ZNF875: variants seen among roughly 807,000 people sequenced by gnomAD.
The protein encoded by ZNF875 is HKR1, GLI-Kruppel zinc finger family member.
In ZNF875, 14 loss-of-function variants were observed where a neutral mutation model predicts 11.2. That is an observed-to-expected ratio of 1.26 (90% CI 0.83 to 1.96). ZNF875 has a LOEUF of 1.96. ZNF875 is among the 30% of genes most tolerant of loss of function. The probability of loss-of-function intolerance (pLI) is 0.00; values close to 1 mark genes in which losing one functional copy is unlikely to be tolerated. For missense variants in ZNF875, 752 were observed against 760.4 expected, an observed-to-expected ratio of 0.99 and a Z score of 0.13; for synonymous variants, 301 against 281.1, an observed-to-expected ratio of 1.07 and a Z score of -0.71.
intron 4 of ZNF875, among the ~76,000 whole-genome samples, chr19:37,348,440 C>G (rs746162515): frequency 1.1e-4 from 17 of 152,292 alleles, no homozygotes; most frequent in Middle Eastern, 6.8e-3. Flanking sequence ...ATTTGTAATT[C>G]TCATGCATGG....
chr19:37,341,156 G>A (rs1008927592), intron 2 of ZNF875, among the ~76,000 whole-genome samples: 1 of 152,110 alleles, frequency 6.6e-6, no homozygotes, highest in Non-Finnish European at 1.5e-5. Flanking sequence ...GCAAGCCAAC[G>A]GTCACATTAG....
chr19:37,343,227 C>G (rs1031579164), intron 2 of ZNF875, among the ~76,000 whole-genome samples: 2 of 151,984 alleles, frequency 1.3e-5, no homozygotes, highest in African/African-American at 4.8e-5. Context: ...GTCCCAGCTA[C>G]TTGGGAGGCT....
intron 4 of ZNF875, among the ~76,000 whole-genome samples, chr19:37,327,769 A>C (rs1170740584): frequency 6.6e-6 from 1 of 152,048 alleles, no homozygotes; most frequent in East Asian, 1.9e-4. Context: ...TCAAAAAAAA[A>C]AAAAAAAAAT....
intron 2 of ZNF875, among the ~76,000 whole-genome samples, chr19:37,336,382 C>T (rs1204116800): frequency 1.3e-5 from 2 of 149,846 alleles, no homozygotes; most frequent in African/African-American, 2.5e-5. Context: ...TCGCTGCAGA[C>T]TCTGCCTCCC....
At chr19:37,329,627 T>A (rs905154728) in intron 4 of ZNF875, among the ~76,000 whole-genome samples, 8 of 152,210 alleles carry the variant, frequency 5.3e-5, no homozygotes, top group African/African-American at 1.9e-4. Flanking sequence ...ATCTGTGGTG[T>A]CTAGCACATT....
chr19:37,320,728 G>T (rs559920988), intron 1 of ZNF875, among the ~76,000 whole-genome samples: 24 of 152,324 alleles, frequency 1.6e-4, no homozygotes, highest in South Asian at 1.4e-3. Context: ...AGGGGGCTCA[G>T]CTGGGACTGA....
intron 2 of ZNF875, among the ~76,000 whole-genome samples, chr19:37,340,412 T>C (rs1423775481): frequency 6.6e-6 from 1 of 152,214 alleles, no homozygotes; most frequent in Non-Finnish European, 1.5e-5. Context: ...CTGATTTGTT[T>C]CCAAATGTTG....
At chr19:37,314,031 ATTTT>A (rs950865971), upstream of ZNF875, among the ~76,000 whole-genome samples, 7 of 151,988 alleles carry the variant, frequency 4.6e-5, no homozygotes, top group Non-Finnish European at 1.0e-4. Flanking sequence ...TTATTTATTT[ATTTT>A]GGTTTCTGTA....
In ZNF875 at chr19:37,362,292, G is replaced by T; in HGVS notation, c.440G>T (p.Cys147Phe). ...CAGAAACAACAGCAGGATCCATTCT[G>T]CTTTAGTGGCAAAGCAGAATGGATT... ...EDQKQQQDPF[C>F]FSGKAEWIQE... Residue 147 changes from cysteine to phenylalanine, a missense_variant, in exon 5 of 5, where the codon TGC becomes TTC. Coordinates refer to ENST00000392153, the MANE Select transcript of ZNF875 (RefSeq NM_001353803.2). The T allele has an allele frequency of 6.2e-7, 1 of 1,614,144 alleles. No individual in the cohort carries two copies. Among genetic ancestry groups the T allele is most frequent in the Non-Finnish European group, 8.5e-7 (1 of 1,180,014 alleles).
intron 4 of ZNF875, among the ~76,000 whole-genome samples, chr19:37,353,684 G>A (rs535292857): frequency 1.3e-5 from 2 of 152,114 alleles, no homozygotes; most frequent in Non-Finnish European, 2.9e-5. Context: ...AGAATCGCTG[G>A]TTAACATATT....
Position 37,327,102 on chromosome 19 carries a change from C to T in ZNF875, c.-603+2837C>T, listed in dbSNP as rs573919256. Among the ~76,000 whole-genome samples the T allele has an allele frequency of 2.0e-5, 3 of 152,088 alleles. No individual in the cohort carries two copies. In the East Asian group the frequency reaches 5.8e-4, roughly 29 times the overall value. Reference sequence around the variant, plus strand: ...TGCCTCCTGGGTCCAAGCAGTTCTCCCTGCCTCAGCCTCTCGAGTAGCTGG... The same window carrying T: ...TGCCTCCTGGGTCCAAGCAGTTCTCTCTGCCTCAGCCTCTCGAGTAGCTGG... On this transcript the variant is annotated intron_variant, in intron 4 of 5. Coordinates refer to the ZNF875 transcript ENST00000544914.
chr19:37,356,506 G>A (rs542842953), intron 4 of ZNF875, among the ~76,000 whole-genome samples: 35 of 152,064 alleles, frequency 2.3e-4, no homozygotes, highest in African/African-American at 8.4e-4. Flanking sequence ...ATCTTCTTGT[G>A]GGTTTTCTTT....
Position 37,363,889 on chromosome 19 carries a change from A to C in ZNF875, c.*114A>C, listed in dbSNP as rs2040405272. 3.9e-6 allele frequency: 3 copies of C among 777,648 alleles called. No individual in the cohort carries two copies. The highest frequency in any genetic ancestry group is 6.4e-6 in the Non-Finnish European group (3 of 468,214). 48.2% of individuals were successfully genotyped at this position (777,648 alleles called of 1,614,324 possible). The stretch of plus-strand genomic sequence containing the variant: ...TTTTTCAGCCATTGCTAGATACCAA[A>C]GTGGAGACATTCTGTGTGTGATTAT... On this transcript the variant is annotated 3_prime_UTR_variant, in exon 5 of 5. Transcript: ENST00000392153.
chr19:37,326,786 G>GCCTC (rs2032530824), intron 4 of ZNF875, among the ~76,000 whole-genome samples: 1 of 144,210 alleles, frequency 6.9e-6, no homozygotes, highest in South Asian at 2.2e-4. Flanking sequence ...TCCTGCCTCA[G>GCCTC]CCTCCCGAGT....
intron 4 of ZNF875, among the ~76,000 whole-genome samples, chr19:37,361,071 C>T (rs138477520): frequency 1.3e-5 from 2 of 149,370 alleles, no homozygotes; most frequent in African/African-American, 2.5e-5. Flanking sequence ...AGTTAAGATG[C>T]CTTTCATTTA....
Position 37,362,682 on chromosome 19 carries a change from CTG to C in ZNF875, c.831_832del (p.Gly279LysfsTer69). Reference sequence around the variant, plus strand: ...CTCATCAAAAACCCAAGGACACACTCTGGGGGAAAGCCTTATGTGTGCAGGGA... The same window carrying C: ...CTCATCAAAAACCCAAGGACACACTCGGGGAAAGCCTTATGTGTGCAGGGA... On this transcript the variant is annotated frameshift_variant, in exon 5 of 5. Transcript: ENST00000392153. LOFTEE classifies it low-confidence loss of function (END_TRUNC). The C allele has an allele frequency of 6.2e-7, 1 of 1,613,182 alleles. No homozygotes were observed. The highest frequency in any genetic ancestry group is 8.5e-7 in the Non-Finnish European group (1 of 1,179,542).
intron 2 of ZNF875, among the ~76,000 whole-genome samples, chr19:37,339,803 G>T (rs1443402643): frequency 6.6e-6 from 1 of 151,466 alleles, no homozygotes; most frequent in Non-Finnish European, 1.5e-5. Flanking sequence ...GACCTCAAGT[G>T]ACCCACCTGC....
At position 37,362,327 on chromosome 19, in the gene ZNF875, G is replaced by C. The variant is rs749025886; in HGVS notation, c.475G>C (p.Glu159Gln). The C allele has an allele frequency of 6.2e-7, 1 of 1,614,104 alleles. No homozygotes were observed. The highest frequency in any genetic ancestry group is 1.1e-5 in the South Asian group (1 of 91,088). Residue 159 changes from glutamate to glutamine, a missense_variant, in exon 5 of 5, where the codon GAA (glutamate) becomes CAA (glutamine). Glu to Gln is a conservative substitution (Grantham distance 29). Coordinates refer to ENST00000392153, the MANE Select transcript of ZNF875 (RefSeq NM_001353803.2). ...SGKAEWIQEGEDSRLLFGRVS... is the reference protein window; with the variant it reads ...SGKAEWIQEGQDSRLLFGRVS... ...CAAAGCAGAATGGATTCAAGAGGGA[G>C]AAGACTCCAGACTCCTGTTTGGGAG...
intron 4 of ZNF875, chr19:37,359,434 T>C: frequency 3.8e-6 from 1 of 261,094 alleles, no homozygotes; most frequent in Non-Finnish European, 7.7e-6. Context: ...AGATGGAGCC[T>C]TGCTCTGTTG....
Sources: gnomAD v4.1 joint callset for allele counts (sites outside exome capture counted in the v4.1 genomes callset) on GRCh38, gnomAD v4.1.1 for gene constraint, MANE v1.5 for transcripts, NCBI Gene and HGNC (gene_info 2026-07-23, HGNC 2026-07-21) for gene names.